Variants in TCTN3 observed in about 807,000 individuals in gnomAD.
TCTN3 encodes tectonic-3.
Under a neutral mutation model 71.3 loss-of-function variants are expected in TCTN3, and 57 were observed. The observed-to-expected ratio is 0.80, with a 90% CI of 0.65 to 1.00. The LOEUF is 1.00. Among genes scored for constraint, TCTN3 ranks in the 50% least tolerant of loss-of-function variants. TCTN3 has a pLI of 0.00. For synonymous variants in TCTN3, 258 were observed against 267.8 expected (o/e 0.96, Z 0.36); for missense variants, 696 against 719.9 (o/e 0.97, Z 0.38).
In TCTN3 at chr10:95,663,696, A is replaced by G; in HGVS notation, c.*371T>C. 4.9e-6 allele frequency: 1 copy of G among 205,164 alleles called. No homozygotes were observed. The highest frequency in any genetic ancestry group is 1.2e-4 in the East Asian group (1 of 8,668). 12.7% of individuals were successfully genotyped at this position (205,164 alleles called of 1,614,324 possible). A position where few individuals can be genotyped will look rare whatever the true frequency, so the allele number is the denominator to read the frequency against. ...CTGAGTTCATTCAAGGTGACAGCAGAAGTGTTTCTCTCTTTCTGCTTGGCC... is the reference window on the plus strand; with the variant it reads ...CTGAGTTCATTCAAGGTGACAGCAGGAGTGTTTCTCTCTTTCTGCTTGGCC... On this transcript the variant is annotated 3_prime_UTR_variant, in exon 14 of 14. Coordinates refer to ENST00000371217, the MANE Select transcript of TCTN3 (RefSeq NM_015631.6).
chr10:95,682,029 A>G lies in TCTN3; in HGVS notation c.1452+622T>C, dbSNP rs556778509. Among the ~76,000 whole-genome samples, 2 of 151,660 alleles carry G rather than the reference A, an allele frequency of 1.3e-5. 1 individual carries two copies. Among genetic ancestry groups the G allele is most frequent in the South Asian group, 4.2e-4 (2 of 4,808 alleles). On this transcript the variant is annotated intron_variant, in intron 12 of 13. Coordinates refer to ENST00000371217, the MANE Select transcript of TCTN3 (RefSeq NM_015631.6). Reference sequence around the variant, plus strand: ...GACAACATACTGAGACCTTGTCTCTACAAAAAAATCAAAAAATTATCTAGG... The same window carrying G: ...GACAACATACTGAGACCTTGTCTCTGCAAAAAAATCAAAAAATTATCTAGG...
In TCTN3 at chr10:95,666,198, C is replaced by G. The variant is rs552484299; in HGVS notation, c.1591-1898G>C. Among the ~76,000 whole-genome samples, 11 of 151,870 alleles carry G rather than the reference C, an allele frequency of 7.2e-5. No individual in the cohort carries two copies. In the East Asian group the frequency reaches 2.1e-3, roughly 29 times the overall value. ...CCTAGTGATCTGCCCGCCTCGGCCT[C>G]CCAAAGTGCTGGGATTACAGGTGTG... On this transcript the variant is annotated intron_variant, in intron 13 of 13. Transcript: ENST00000371217.
chr10:95,677,599 T>C (rs999986092), intron 13 of TCTN3, among the ~76,000 whole-genome samples: 6 of 151,856 alleles, frequency 4.0e-5, no homozygotes, highest in African/African-American at 1.2e-4. Flanking sequence ...AGTGTTTCTA[T>C]AGCTATATAT....
At chr10:95,680,350 CA>C (rs71483995) in intron 13 of TCTN3, 121 bp downstream of exon 13, 431,253 of 1,273,392 alleles carry the variant, frequency 0.34, 76,521 homozygotes, top group East Asian at 0.66. Flanking sequence ...TCACTTTAAA[CA>C]AACATTGGTT....
At chr10:95,679,738 C>T (rs2097941034) in intron 13 of TCTN3, among the ~76,000 whole-genome samples, 1 of 151,216 alleles carries the variant, frequency 6.6e-6, no homozygotes, top group South Asian at 2.1e-4. Context: ...ACTACAGGCG[C>T]CCGCCACTAC....
intron 3 of TCTN3, among the ~76,000 whole-genome samples, chr10:95,689,813 G>A (rs755743049): frequency 6.6e-6 from 1 of 152,126 alleles, no homozygotes; most frequent in Non-Finnish European, 1.5e-5. Context: ...CTAATCCCAT[G>A]AGGAAATTTG....
At position 95,693,758 on chromosome 10, in the gene TCTN3, G is replaced by A; in HGVS notation, c.142C>T (p.Gln48Ter). The change falls in exon 1 of 14, where the codon CAG (glutamine) becomes TAG (stop). Residue 48 changes from glutamine to a stop codon, truncating the protein, a stop_gained. Coordinates refer to ENST00000371217, the MANE Select transcript of TCTN3 (RefSeq NM_015631.6). LOFTEE classifies it high-confidence loss of function. Reference protein sequence around the residue: ...LQRGTDGGTLQSPSEATATRP... With the variant: ...LQRGTDGGTL ...GTTGCAGTCGCCTCTGAAGGGGACT[G>A]GAGGGTTCCGCCATCCGTCCCTCGC... 5 of 1,551,696 alleles carry A rather than the reference G, an allele frequency of 3.2e-6. No homozygotes were observed. Among genetic ancestry groups the A allele is most frequent in the Non-Finnish European group, 4.4e-6 (5 of 1,147,000 alleles).
In TCTN3 at chr10:95,685,579, T is replaced by C. The variant is rs200042949; in HGVS notation, c.946A>G (p.Thr316Ala). ...ACCTGAGAAACTACATTCTGACAAG[T>C]GTTTCCAGCCAACAGAGGAGCATTA... ...QANAPLLAGN[T>A]CQNVVSQVTY... Residue 316 changes from threonine (T) to alanine (A), a missense_variant, in exon 8 of 14, where the codon ACT becomes GCT. Thr to Ala is a moderately conservative substitution (Grantham distance 58). Coordinates refer to ENST00000371217, the MANE Select transcript of TCTN3 (RefSeq NM_015631.6). 1.1e-3 allele frequency: 1,771 copies of C among 1,551,524 alleles called. 3 individuals carry two copies. The highest frequency in any genetic ancestry group is 1.4e-3 in the Non-Finnish European group (1,608 of 1,146,868).
In TCTN3 at chr10:95,672,160, T is replaced by TTGTGTGTGTGTGTG. The variant is rs10525130; in HGVS notation, c.1591-7861_1591-7860insCACACACACACACA. 6.5e-3 allele frequency among the ~76,000 whole-genome samples: 905 copies of TTGTGTGTGTGTGTG among 139,674 alleles called. 24 individuals are homozygous for TTGTGTGTGTGTGTG. The highest frequency in any genetic ancestry group is 0.018 in the African/African-American group (676 of 36,808). The allele number at this position is 139,674 out of a possible 152,430, so 91.6% of individuals were successfully genotyped here. ...TATCATTAAAAATTAATTATTATTA[T>TTGTGTGTGTGTGTG]TGTGTGTGTGTGTCTGGCTTCTTTC... On this transcript the variant is annotated intron_variant, in intron 13 of 13. Coordinates refer to ENST00000371217, the MANE Select transcript of TCTN3 (RefSeq NM_015631.6).
At position 95,693,723 on chromosome 10, in the gene TCTN3, G is replaced by A. The variant is rs577852030; in HGVS notation, c.177C>T (p.Ala59=). Residue 59 remains alanine, a synonymous_variant, in exon 1 of 14, where the codon GCC becomes GCT. Transcript: ENST00000371217. The stretch of plus-strand genomic sequence containing the variant: ...GGACCACTGTAGGGAGTCCAGGCAC[G>A]GCCGGGCGAGTTGCAGTCGCCTCTG... ...SPSEATATRP[A]VPGLPTVVPT... is the part of the protein sequence containing the mutation. 1 of 1,551,688 alleles carries A rather than the reference G, an allele frequency of 6.4e-7. No homozygotes were observed. Among genetic ancestry groups the A allele is most frequent in the East Asian group, 2.4e-5 (1 of 40,926 alleles).
chr10:95,693,909 A>C lies in TCTN3; in HGVS notation c.-10T>G, dbSNP rs1410654172. ...GCTGTGGGGTGCGCATGGGGCATTC[A>C]GGGCCTCCGGGTCCGACGTAGGCCT... is the stretch of plus-strand genomic sequence containing the variant. On this transcript the variant is annotated 5_prime_UTR_variant, in exon 1 of 14. Transcript: ENST00000371217. 1.9e-6 allele frequency: 3 copies of C among 1,551,260 alleles called. No individual in the cohort carries two copies. In the African/African-American group the frequency reaches 4.1e-5, roughly 21 times the overall value.
rs1412476617 is a variant in TCTN3, at chr10:95,683,209, G to C, written c.1204-14C>G. ...TAAGAGGGTCATCCAAGGTGGAAAAGTGATGATCAAGGACATCATAACAGA... is the reference window on the plus strand; with the variant it reads ...TAAGAGGGTCATCCAAGGTGGAAAACTGATGATCAAGGACATCATAACAGA... On this transcript the variant is annotated splice_polypyrimidine_tract_variant and intron_variant, in intron 10 of 13. Transcript: ENST00000371217. 3 of 1,609,282 alleles carry C rather than the reference G, an allele frequency of 1.9e-6. No homozygotes were observed. Among genetic ancestry groups the C allele is most frequent in the South Asian group, 1.1e-5 (1 of 90,322 alleles).
At chr10:95,685,443 G>A in intron 8 of TCTN3, 113 bp downstream of exon 8, 1 of 760,356 alleles carries the variant, frequency 1.3e-6, no homozygotes, top group Non-Finnish European at 2.1e-6. Context: ...AACATTGTTA[G>A]AGAATGCAAA....
chr10:95,673,534 T>C (rs1160310292), intron 13 of TCTN3, among the ~76,000 whole-genome samples: 1 of 152,088 alleles, frequency 6.6e-6, no homozygotes, highest in Admixed American at 6.6e-5. Flanking sequence ...GCAGCACCAA[T>C]TGTTAAAAAA....
chr10:95,669,940 G>A (rs1226294767), intron 13 of TCTN3, among the ~76,000 whole-genome samples: 2 of 151,200 alleles, frequency 1.3e-5, no homozygotes, highest in East Asian at 3.9e-4. Context: ...GCGGGCGCCT[G>A]TAGTCCCAGC....
intron 13 of TCTN3, among the ~76,000 whole-genome samples, chr10:95,673,282 GT>G (rs1198041458): frequency 6.6e-6 from 1 of 151,916 alleles, no homozygotes; most frequent in Non-Finnish European, 1.5e-5. Flanking sequence ...AGTCTCTTAT[GT>G]TTCTTTTAGA....
At chr10:95,684,669 C>T (rs375772273) in intron 8 of TCTN3, 45 bp from the exon 9 acceptor site, 80 of 1,602,574 alleles carry the variant, frequency 5.0e-5, no homozygotes, top group Middle Eastern at 1.7e-4. Context: ...GTTATTGGGC[C>T]GAATATGTTT....
At chr10:95,669,918 C>T (rs1207017151) in intron 13 of TCTN3, among the ~76,000 whole-genome samples, 4 of 151,246 alleles carry the variant, frequency 2.6e-5, no homozygotes, top group African/African-American at 9.7e-5. Flanking sequence ...AAAAAATTAG[C>T]CGGGCGAGGT....
intron 3 of TCTN3, among the ~76,000 whole-genome samples, chr10:95,691,186 T>A (rs535886878): frequency 6.6e-6 from 1 of 152,330 alleles, no homozygotes; most frequent in East Asian, 1.9e-4. Context: ...TTTCTTTTTT[T>A]GAGACAGACT....
Sources: gnomAD v4.1 joint callset for allele counts (sites outside exome capture counted in the v4.1 genomes callset) on GRCh38, gnomAD v4.1.1 for gene constraint, MANE v1.5 for transcripts, NCBI Gene and HGNC (gene_info 2026-07-23, HGNC 2026-07-21) for gene names.